SLC24A2: variants seen among roughly 807,000 people sequenced by gnomAD.
SLC24A2 encodes the protein sodium/potassium/calcium exchanger 2.
A neutral mutation model predicts 62.0 loss-of-function variants in SLC24A2; 36 were observed. The observed-to-expected ratio is 0.58, with a 90% CI of 0.44 to 0.77. The LOEUF is 0.77. SLC24A2 is among the 30% of genes least tolerant of loss of function. The pLI is 0.00. For synonymous variants in SLC24A2, 358 were observed against 294.0 expected, an observed-to-expected ratio of 1.22 and a Z score of -2.23; for missense variants, 846 against 817.9, an observed-to-expected ratio of 1.03 and a Z score of -0.42.
intron 2 of SLC24A2, among the ~76,000 whole-genome samples, chr9:19,748,880 G>A (rs2118799871): frequency 6.6e-6 from 1 of 151,890 alleles, no homozygotes; most frequent in Admixed American, 6.6e-5. Context: ...GACAGCTCAG[G>A]AGGAAGTTGG....
At chr9:20,249,808 G>T in the SLC24A2 span, among the ~76,000 whole-genome samples, 1 of 151,642 alleles carries the variant, frequency 6.6e-6, no homozygotes, top group Non-Finnish European at 1.5e-5. Context: ...TTTATAATTG[G>T]AAGTGAGGAA....
the SLC24A2 span, among the ~76,000 whole-genome samples, chr9:20,146,138 CT>C: frequency 6.6e-6 from 1 of 152,056 alleles, no homozygotes; most frequent in Non-Finnish European, 1.5e-5. Context: ...GTTACTATTT[CT>C]AAAATGTAGA....
At chr9:20,187,243 C>T in the SLC24A2 span, among the ~76,000 whole-genome samples, 2 of 152,144 alleles carry the variant, frequency 1.3e-5, no homozygotes, top group Non-Finnish European at 2.9e-5. Flanking sequence ...TTGATATGCC[C>T]ATAGGTTCTA....
chr9:20,152,090 C>A, the SLC24A2 span, among the ~76,000 whole-genome samples: 1 of 152,008 alleles, frequency 6.6e-6, no homozygotes, highest in South Asian at 2.1e-4. Flanking sequence ...AATATTAATT[C>A]CCTTCCATTG....
the SLC24A2 span, among the ~76,000 whole-genome samples, chr9:20,299,783 T>C: frequency 1.3e-5 from 2 of 152,230 alleles, no homozygotes; most frequent in Admixed American, 6.5e-5. Context: ...AGGGAGAAAC[T>C]TGCTCGATGT....
the SLC24A2 span, among the ~76,000 whole-genome samples, chr9:19,839,273 A>G: frequency 3.3e-5 from 5 of 152,176 alleles, no homozygotes; most frequent in East Asian, 9.6e-4. Flanking sequence ...AGAAATAGGA[A>G]CAATTTTACA....
intron 8 of SLC24A2, among the ~76,000 whole-genome samples, chr9:19,547,959 C>G (rs193153315): frequency 8.5e-4 from 129 of 151,764 alleles, no homozygotes; most frequent in Non-Finnish European, 1.3e-4. Flanking sequence ...CAGGCCTTTG[C>G]ATAGTGCAGA....
At chr9:19,830,695 C>T in the SLC24A2 span, among the ~76,000 whole-genome samples, 1 of 152,162 alleles carries the variant, frequency 6.6e-6, no homozygotes, top group African/African-American at 2.4e-5. Context: ...ACCCGGCAGA[C>T]TCCAGACTCC....
the SLC24A2 span, among the ~76,000 whole-genome samples, chr9:20,143,799 A>G: frequency 1.5e-3 from 226 of 152,354 alleles, 1 homozygote; most frequent in Admixed American, 2.4e-3. Context: ...ATATATTAAC[A>G]TTGCTTGTGG....
the SLC24A2 span, among the ~76,000 whole-genome samples, chr9:19,954,604 C>G: frequency 6.6e-6 from 1 of 151,122 alleles, no homozygotes; most frequent in Non-Finnish European, 1.5e-5. Context: ...TTTTTTAAAT[C>G]TAGAGAGTCC....
intron 5 of SLC24A2, among the ~76,000 whole-genome samples, chr9:19,592,049 T>C (rs759437782): frequency 2.0e-5 from 3 of 152,210 alleles, no homozygotes; most frequent in Non-Finnish European, 4.4e-5. Flanking sequence ...TCTTTGAAAA[T>C]AATTAGACTA....
At chr9:20,176,257 T>A in the SLC24A2 span, among the ~76,000 whole-genome samples, 1 of 152,066 alleles carries the variant, frequency 6.6e-6, no homozygotes, top group Admixed American at 6.6e-5. Context: ...AATTGAGCCA[T>A]TTCTGAGTAT....
chr9:19,709,650 C>T (rs1277206392), intron 2 of SLC24A2, among the ~76,000 whole-genome samples: 1 of 149,840 alleles, frequency 6.7e-6, no homozygotes, highest in African/African-American at 2.5e-5. Context: ...CAAACTATCG[C>T]AAGGACAAAA....
rs749871993 is a variant in SLC24A2 at position 19,619,621 on chromosome 9, G to A, written c.1041C>T (p.Phe347=). 28 of 1,613,894 alleles carry A rather than the reference G, an allele frequency of 1.7e-5. No individual in the cohort carries two copies. In the South Asian group the frequency reaches 2.7e-4, roughly 16 times the overall value. ...LHNSLMRNSI[F]QLMIHTLDPL... ...GGTCAAGGGTGTGTATCATGAGTTGGAAGATGCTATTCCTCATGAGACTGT... is the reference window on the plus strand; with the variant it reads ...GGTCAAGGGTGTGTATCATGAGTTGAAAGATGCTATTCCTCATGAGACTGT... The change falls in exon 4 of 11, where the codon TTC becomes TTT. Residue 347 remains phenylalanine (F), a synonymous_variant. Transcript: ENST00000341998.
the SLC24A2 span, among the ~76,000 whole-genome samples, chr9:20,160,467 C>G: frequency 4.6e-5 from 7 of 151,314 alleles, no homozygotes; most frequent in Non-Finnish European, 8.9e-5. Context: ...GCATTACACA[C>G]TTATAATAGA....
the SLC24A2 span, among the ~76,000 whole-genome samples, chr9:20,016,551 T>G: frequency 6.6e-6 from 1 of 152,240 alleles, no homozygotes; most frequent in Non-Finnish European, 1.5e-5. Flanking sequence ...AGATTTAACC[T>G]AATTCTATGC....
Position 19,786,505 on chromosome 9 carries a change from G to A in SLC24A2, c.362C>T (p.Pro121Leu), listed in dbSNP as rs372667508. The A allele has an allele frequency of 3.7e-5, 60 of 1,614,010 alleles. No individual in the cohort carries two copies. In the South Asian group the frequency reaches 4.1e-4, roughly 11 times the overall value. The change falls in exon 2 of 11, where the codon CCG becomes CTG. Residue 121 changes from proline to leucine, a missense_variant. Physicochemically the swap from Pro to Leu is moderately conservative, Grantham distance 98. Transcript: ENST00000341998. This position sits in a 1 kb window ranked among gnomAD's most constrained non-coding sequence, Gnocchi z 5.0. The stretch of plus-strand genomic sequence containing the variant: ...CTCCTCAAGGGAAAAGATGTCTTTC[G>A]GGTAGTCTCCTTGGGCGTGATCTGT... ...NSTDHAQGDY[P>L]KDIFSLEERR...
At chr9:20,114,721 C>A in the SLC24A2 span, among the ~76,000 whole-genome samples, 2 of 152,100 alleles carry the variant, frequency 1.3e-5, no homozygotes, top group African/African-American at 2.4e-5. Context: ...TGGGGTCACG[C>A]CCTTCTCCAA....
At chr9:19,557,064 C>T (rs1365169172) in intron 7 of SLC24A2, among the ~76,000 whole-genome samples, 1 of 152,076 alleles carries the variant, frequency 6.6e-6, no homozygotes, top group Admixed American at 6.6e-5. Context: ...GGGTAGGGAA[C>T]CTGAGATGGA....
Sources: allele counts gnomAD v4.1 joint callset (sites outside exome capture counted in the v4.1 genomes callset), GRCh38; gene constraint gnomAD v4.1.1; non-coding constraint Gnocchi (gnomAD v3.1); transcripts MANE v1.5; gene names NCBI Gene and HGNC (gene_info 2026-07-23, HGNC 2026-07-21).